Variants in MYO5B observed in about 807,000 individuals in gnomAD.
MYO5B encodes myosin VB, also known as unconventional myosin-Vb.
In MYO5B, 143 loss-of-function variants were observed where a neutral mutation model predicts 229.3. That is an observed-to-expected ratio of 0.62 (90% CI 0.54 to 0.72). The LOEUF (loss-of-function observed/expected upper bound fraction) is 0.72, where lower values mean the gene tolerates loss of function less well. Among genes scored for constraint, MYO5B ranks in the 30% least tolerant of loss-of-function variants. MYO5B has a pLI of 0.00. For synonymous variants in MYO5B, 918 were observed against 885.2 expected (o/e 1.04, Z -0.66); for missense variants, 2,321 against 2,331.0 (o/e 1.00, Z 0.09).
At chr18:50,102,646 G>A (rs548626194) in intron 1 of MYO5B, among the ~76,000 whole-genome samples, 5 of 152,138 alleles carry the variant, frequency 3.3e-5, no homozygotes, top group African/African-American at 1.2e-4. Context: ...TCAGAACCTG[G>A]CTCTGGAGTA....
At chr18:50,021,482 A>G (rs1040342334) in intron 4 of MYO5B, among the ~76,000 whole-genome samples, 2 of 152,136 alleles carry the variant, frequency 1.3e-5, no homozygotes, top group African/African-American at 4.8e-5. Flanking sequence ...CCCTTCCACA[A>G]TCCTGGAGTT....
chr18:49,929,807 C>A (rs1332587126), intron 16 of MYO5B, among the ~76,000 whole-genome samples: 1 of 152,202 alleles, frequency 6.6e-6, no homozygotes, highest in Non-Finnish European at 1.5e-5. Flanking sequence ...ATCTCAGCAT[C>A]TTCTGTTCTG....
intron 21 of MYO5B, among the ~76,000 whole-genome samples, chr18:49,898,737 G>A (rs943751679): frequency 2.6e-5 from 4 of 152,174 alleles, no homozygotes; most frequent in Non-Finnish European, 4.4e-5. Flanking sequence ...TTTTCTTCCT[G>A]TTACTGTTTG....
chr18:49,954,022 A>ATGTGTG (rs1265216409), intron 13 of MYO5B, among the ~76,000 whole-genome samples: 12 of 129,814 alleles, frequency 9.2e-5, no homozygotes, highest in African/African-American at 2.7e-4. Flanking sequence ...GTATGTATTT[A>ATGTGTG]TATGTGTGTG....
intron 2 of MYO5B, among the ~76,000 whole-genome samples, chr18:50,041,371 A>G (rs1276527129): frequency 6.6e-6 from 1 of 152,198 alleles, no homozygotes; most frequent in Non-Finnish European, 1.5e-5. Context: ...ATAAATATCA[A>G]TGTTCCTCTC....
chr18:49,895,104 C>A lies in MYO5B; in HGVS notation c.2882G>T (p.Arg961Leu). The change falls in exon 22 of 40, where the codon CGG becomes CTG. Residue 961 changes from arginine to leucine, a missense_variant. Arg to Leu is a moderately radical substitution (Grantham distance 102). Around this residue, in one of 2 missense-constraint regions of MYO5B, gnomAD observed 2,113 missense variants for 2,044.7 expected, o/e 1.03. Coordinates refer to ENST00000285039, the MANE Select transcript of MYO5B (RefSeq NM_001080467.3). Reference protein sequence around the residue: ...TTSTYTMEVERLKKELVHYQQ... With the variant: ...TTSTYTMEVELLKKELVHYQQ... ...GTAGTGCACCAGCTCCTTCTTCAGCCGCTCTACCTCCATGGTGTATGTTGA... is the reference window on the plus strand; with the variant it reads ...GTAGTGCACCAGCTCCTTCTTCAGCAGCTCTACCTCCATGGTGTATGTTGA... 6.2e-7 allele frequency: 1 copy of A among 1,614,176 alleles called. No individual in the cohort carries two copies. Among genetic ancestry groups the A allele is most frequent in the Non-Finnish European group, 8.5e-7 (1 of 1,180,048 alleles).
intron 1 of MYO5B, among the ~76,000 whole-genome samples, chr18:50,150,935 C>G (rs968229080): frequency 2.0e-5 from 3 of 152,216 alleles, no homozygotes; most frequent in African/African-American, 7.2e-5. Context: ...CCCTGGCACA[C>G]CTCTCTTCAC....
At chr18:49,834,229 G>A (rs1408490720) in intron 39 of MYO5B, among the ~76,000 whole-genome samples, 4 of 152,060 alleles carry the variant, frequency 2.6e-5, no homozygotes, top group African/African-American at 7.2e-5. Flanking sequence ...GTTTCCTCAC[G>A]TTTCTTCAGT....
At chr18:49,934,951 G>T (rs1315905748) in intron 16 of MYO5B, among the ~76,000 whole-genome samples, 1 of 152,212 alleles carries the variant, frequency 6.6e-6, no homozygotes, top group Non-Finnish European at 1.5e-5. Flanking sequence ...GGGAAGGAAA[G>T]ATGGGAATAA....
chr18:49,990,679 G>A (rs1043835743), intron 6 of MYO5B, among the ~76,000 whole-genome samples, 159 bp from the exon 7 acceptor site: 2 of 152,120 alleles, frequency 1.3e-5, no homozygotes, highest in South Asian at 2.1e-4. Context: ...CCCACTTTCC[G>A]ACTTTCTATT....
chr18:49,962,130 G>A, intron 12 of MYO5B, 136 bp downstream of exon 12: 2 of 1,115,478 alleles, frequency 1.8e-6, no homozygotes, highest in Non-Finnish European at 2.7e-6. Flanking sequence ...CTTCTAGTAT[G>A]CAGCCTGCCA....
At chr18:49,830,914 T>G (rs572033799) in intron 39 of MYO5B, among the ~76,000 whole-genome samples, 1 of 142,938 alleles carries the variant, frequency 7.0e-6, no homozygotes, top group South Asian at 2.2e-4. Context: ...GCTATGGGAA[T>G]CAAAACAGTA....
chr18:50,141,162 C>A (rs550180160), intron 1 of MYO5B, among the ~76,000 whole-genome samples: 41 of 152,252 alleles, frequency 2.7e-4, no homozygotes, highest in African/African-American at 9.4e-4. Context: ...TAAAAAAGGA[C>A]AACAAGGAAA....
chr18:49,824,206 C>T lies in MYO5B; in HGVS notation c.*2265G>A, dbSNP rs1786819481. 1 of 152,272 alleles carries T rather than the reference C, an allele frequency of 6.6e-6. No homozygotes were observed. Among genetic ancestry groups the T allele is most frequent in the South Asian group, 2.1e-4 (1 of 4,836 alleles). The allele number at this position is 152,272 out of a possible 1,614,324, so 9.4% of individuals were successfully genotyped here. On this transcript the variant is annotated 3_prime_UTR_variant, in exon 40 of 40. Coordinates refer to ENST00000285039, the MANE Select transcript of MYO5B (RefSeq NM_001080467.3). ...AGATTATATAGTTCCCCTAAAGATGCTTCTTCTAGCCTCCAAGTATTAAAT... is the reference window on the plus strand; with the variant it reads ...AGATTATATAGTTCCCCTAAAGATGTTTCTTCTAGCCTCCAAGTATTAAAT...
At chr18:49,984,193 C>G (rs2025845996) in intron 8 of MYO5B, among the ~76,000 whole-genome samples, 1 of 152,206 alleles carries the variant, frequency 6.6e-6, no homozygotes, top group South Asian at 2.1e-4. Context: ...CCCTGAAGGA[C>G]AGAGAACTTC....
At chr18:49,903,502 T>C (rs1416066256) in intron 20 of MYO5B, among the ~76,000 whole-genome samples, 8 of 152,120 alleles carry the variant, frequency 5.3e-5, no homozygotes, top group African/African-American at 1.4e-4. Flanking sequence ...CACCTGCCCC[T>C]TCCATGGGAG....
At chr18:50,090,589 C>T (rs994442178) in intron 1 of MYO5B, among the ~76,000 whole-genome samples, 2 of 152,170 alleles carry the variant, frequency 1.3e-5, no homozygotes, top group African/African-American at 4.8e-5. Context: ...CGCCTTTCTG[C>T]TCCTATTTCT....
intron 31 of MYO5B, among the ~76,000 whole-genome samples, chr18:49,851,925 G>C (rs572866245): frequency 1.7e-4 from 26 of 152,282 alleles, no homozygotes; most frequent in African/African-American, 5.3e-4. Context: ...CCTAGCCTCT[G>C]TCTGGGCAAA....
At chr18:49,907,587 G>C (rs1612752) in intron 18 of MYO5B, among the ~76,000 whole-genome samples, 78,915 of 152,132 alleles carry the variant, frequency 0.52, 21,093 homozygotes, top group Middle Eastern at 0.62. Flanking sequence ...TAATGAGAAA[G>C]GAAGGAATGA....
Sources: allele counts gnomAD v4.1 joint callset (sites outside exome capture counted in the v4.1 genomes callset), GRCh38; gene constraint gnomAD v4.1.1; regional missense constraint gnomAD v4.1.1; transcripts MANE v1.5; gene names NCBI Gene and HGNC (gene_info 2026-07-23, HGNC 2026-07-21).